Variants in SLC25A13 observed in about 807,000 individuals in gnomAD.
SLC25A13 encodes solute carrier family 25 member 13.
SLC25A13 carries 70 observed loss-of-function variants against 85.5 expected under a neutral mutation model. That is an observed-to-expected ratio of 0.82 (90% CI 0.68 to 1.00). The LOEUF (loss-of-function observed/expected upper bound fraction) is 1.00. SLC25A13 is among the 50% of genes least tolerant of loss of function. SLC25A13 has a pLI of 0.00. For missense variants in SLC25A13, 765 were observed against 819.8 expected, an observed-to-expected ratio of 0.93 and a Z score of 0.82; for synonymous variants, 259 against 288.7, an observed-to-expected ratio of 0.90 and a Z score of 1.04.
At chr7:96,280,513 C>T (rs1798632686) in intron 2 of SLC25A13, among the ~76,000 whole-genome samples, 1 of 152,044 alleles carries the variant, frequency 6.6e-6, no homozygotes, top group African/African-American at 2.4e-5. Flanking sequence ...CCCAGGAGTT[C>T]AAGACCAGCC....
chr7:96,133,533 C>T (rs1792132594), intron 14 of SLC25A13, among the ~76,000 whole-genome samples: 1 of 152,174 alleles, frequency 6.6e-6, no homozygotes, highest in South Asian at 2.1e-4. Flanking sequence ...TCTCCCAGCT[C>T]TTTCAAAGGG....
rs548950962 is a variant in SLC25A13, at chr7:96,263,586, C to T, written c.212+13610G>A. On this transcript the variant is annotated intron_variant, in intron 3 of 17. Coordinates refer to ENST00000265631, the MANE Select transcript of SLC25A13 (RefSeq NM_014251.3). Reference sequence around the variant, plus strand: ...CAAATATTCCCATCATCTGACTATACCACTCAGCATACCTCTTGTTTCTGT... The same window carrying T: ...CAAATATTCCCATCATCTGACTATATCACTCAGCATACCTCTTGTTTCTGT... Among the ~76,000 whole-genome samples the T allele has an allele frequency of 3.9e-5, 6 of 152,230 alleles. No homozygotes were observed. In the South Asian group the frequency reaches 1.2e-3, roughly 32 times the overall value.
At chr7:96,179,596 TG>T (rs1346455501) in intron 11 of SLC25A13, among the ~76,000 whole-genome samples, 1 of 152,238 alleles carries the variant, frequency 6.6e-6, no homozygotes, top group Non-Finnish European at 1.5e-5. Context: ...TGAAATCTTC[TG>T]CTCATTCTTA....
At chr7:96,280,643 AG>A (rs1263653743) in intron 2 of SLC25A13, among the ~76,000 whole-genome samples, 1 of 152,174 alleles carries the variant, frequency 6.6e-6, no homozygotes, top group Admixed American at 6.5e-5. Flanking sequence ...TGAGCACAAA[AG>A]ATTGAGGCTG....
In SLC25A13 at chr7:96,121,372, G is replaced by C; in HGVS notation, c.1847C>G (p.Pro616Arg). 1 of 1,614,096 alleles carries C rather than the reference G, an allele frequency of 6.2e-7. No homozygotes were observed. Among genetic ancestry groups the C allele is most frequent in the Non-Finnish European group, 8.5e-7 (1 of 1,180,006 alleles). The part of the protein sequence containing the change: ...WFYIDFGGVK[P>R]MGSEPVPKSR... ...TTTAGGAACTGGCTCTGATCCCATG[G>C]GTTTTCTAAAAGAAGAGAAAACAGA... The change falls in exon 18 of 18, where the codon CCC (proline) becomes CGC (arginine). Residue 616 changes from proline to arginine, a missense_variant. By Grantham distance (103) the Pro-to-Arg change is moderately radical. Coordinates refer to ENST00000265631, the MANE Select transcript of SLC25A13 (RefSeq NM_014251.3).
In SLC25A13 at chr7:96,189,290, T is replaced by C. The variant is rs775049360; in HGVS notation, c.933+4A>G. On this transcript the variant is annotated splice_donor_region_variant and intron_variant, in intron 9 of 17. Coordinates refer to ENST00000265631, the MANE Select transcript of SLC25A13 (RefSeq NM_014251.3). ...AGAATGCAAGTTTGCTCCTCTTTGC[T>C]CACCTGCCTCTGGGCCTCAGCCAAG... 51 of 1,613,654 alleles carry C rather than the reference T, an allele frequency of 3.2e-5. No individual in the cohort carries two copies. The highest frequency in any genetic ancestry group is 4.1e-5 in the Non-Finnish European group (48 of 1,179,840).
chr7:96,244,910 T>C (rs1360164993), intron 3 of SLC25A13, among the ~76,000 whole-genome samples: 1 of 152,216 alleles, frequency 6.6e-6, no homozygotes, highest in East Asian at 1.9e-4. Flanking sequence ...AAATTTGGCC[T>C]ATAAATATCA....
At chr7:96,274,947 C>T (rs1338640501) in intron 3 of SLC25A13, among the ~76,000 whole-genome samples, 1 of 152,132 alleles carries the variant, frequency 6.6e-6, no homozygotes, top group Non-Finnish European at 1.5e-5. Flanking sequence ...TAGCATGATG[C>T]CTCCAGCTTT....
intron 13 of SLC25A13, among the ~76,000 whole-genome samples, chr7:96,152,347 G>A (rs1793084602): frequency 2.0e-5 from 3 of 152,110 alleles, no homozygotes; most frequent in African/African-American, 7.2e-5. Context: ...AGAGGGGAGA[G>A]GGCTCATCCG....
intron 2 of SLC25A13, among the ~76,000 whole-genome samples, chr7:96,292,358 G>A (rs937062114): frequency 2.0e-5 from 3 of 152,168 alleles, no homozygotes; most frequent in African/African-American, 7.2e-5. Flanking sequence ...CATTCCCTTT[G>A]AAAACTGGCA....
intron 14 of SLC25A13, among the ~76,000 whole-genome samples, chr7:96,141,634 C>T (rs1335700775): frequency 6.6e-6 from 1 of 152,174 alleles, no homozygotes; most frequent in Admixed American, 6.5e-5. Flanking sequence ...GGTTGTAAAA[C>T]CACAGCATGT....
chr7:96,145,221 A>G (rs1792732283), intron 14 of SLC25A13, among the ~76,000 whole-genome samples: 1 of 152,184 alleles, frequency 6.6e-6, no homozygotes. Context: ...CCCTGCTAAA[A>G]TTAATCCCAG....
chr7:96,231,236 A>G (rs2116801953), intron 4 of SLC25A13, among the ~76,000 whole-genome samples: 1 of 152,342 alleles, frequency 6.6e-6, no homozygotes, highest in Admixed American at 6.5e-5. Context: ...CAATTGCAAT[A>G]AAAACAAAAA....
chr7:96,131,687 G>T (rs80231631), intron 15 of SLC25A13, 56 bp downstream of exon 15: 2 of 1,611,316 alleles, frequency 1.2e-6, no homozygotes, highest in African/African-American at 1.3e-5. Context: ...CATGCAGCTA[G>T]GGAAGGGGGG....
At chr7:96,288,352 A>G (rs568605916) in intron 2 of SLC25A13, among the ~76,000 whole-genome samples, 42 of 152,334 alleles carry the variant, frequency 2.8e-4, no homozygotes, top group African/African-American at 9.4e-4. Context: ...GCGATGCAGA[A>G]GACAGGTGAT....
At chr7:96,297,435 G>A (rs1410999743) in intron 1 of SLC25A13, among the ~76,000 whole-genome samples, 2 of 151,852 alleles carry the variant, frequency 1.3e-5, no homozygotes, top group Non-Finnish European at 2.9e-5. Flanking sequence ...CCAGGTTCAA[G>A]CGATTCTCCT....
chr7:96,241,093 A>C (rs1584500683), intron 3 of SLC25A13, among the ~76,000 whole-genome samples: 1 of 147,362 alleles, frequency 6.8e-6, no homozygotes, highest in East Asian at 2.0e-4. Context: ...AAAGAAAGAA[A>C]GAAAGAAAGA....
At chr7:96,220,790 C>G (rs1389983222) in intron 4 of SLC25A13, among the ~76,000 whole-genome samples, 1 of 152,052 alleles carries the variant, frequency 6.6e-6, no homozygotes, top group African/African-American at 2.4e-5. Flanking sequence ...CACACACATG[C>G]ACACACAAAC....
At chr7:96,237,301 A>G (rs1307504032) in intron 3 of SLC25A13, among the ~76,000 whole-genome samples, 1 of 152,162 alleles carries the variant, frequency 6.6e-6, no homozygotes, top group East Asian at 1.9e-4. Flanking sequence ...GTGACAATGG[A>G]GAGAGGAGGG....
Sources: allele counts gnomAD v4.1 joint callset (sites outside exome capture counted in the v4.1 genomes callset), GRCh38; gene constraint gnomAD v4.1.1; transcripts MANE v1.5; gene names NCBI Gene and HGNC (gene_info 2026-07-23, HGNC 2026-07-21).